Variants in SUGCT observed in about 807,000 individuals in gnomAD.
SUGCT encodes the protein succinyl-CoA:glutarate CoA-transferase.
Under a neutral mutation model 55.0 loss-of-function variants are expected in SUGCT, and 41 were observed. The ratio of observed to expected loss-of-function variants is 0.74; its 90% CI spans 0.58 to 0.97. The LOEUF is 0.97. SUGCT is among the 50% of genes least tolerant of loss of function. SUGCT has a pLI of 0.00. For synonymous variants in SUGCT, 187 were observed against 200.4 expected (o/e 0.93, Z 0.56); for missense variants, 568 against 547.8 (o/e 1.04, Z -0.37).
At chr7:40,324,782 G>A (rs1216042591) in intron 9 of SUGCT, among the ~76,000 whole-genome samples, 1 of 152,122 alleles carries the variant, frequency 6.6e-6, no homozygotes, top group Non-Finnish European at 1.5e-5. Context: ...AATAGCTAGG[G>A]GTAGTTGACT....
At chr7:40,699,331 G>T (rs988961621) in intron 12 of SUGCT, among the ~76,000 whole-genome samples, 27 of 152,256 alleles carry the variant, frequency 1.8e-4, no homozygotes, top group African/African-American at 6.5e-4. Context: ...GCACAGAGGT[G>T]GAGAGCGAGT....
At chr7:40,537,441 A>G (rs1157535027) in intron 12 of SUGCT, among the ~76,000 whole-genome samples, 3 of 152,180 alleles carry the variant, frequency 2.0e-5, no homozygotes, top group Non-Finnish European at 4.4e-5. Context: ...AATAGCCACT[A>G]ATTACTTGAA....
At chr7:40,317,566 A>G (rs1022186504) in intron 9 of SUGCT, among the ~76,000 whole-genome samples, 2 of 152,160 alleles carry the variant, frequency 1.3e-5, no homozygotes, top group African/African-American at 2.4e-5. Context: ...TCATCATTGT[A>G]TATCTTCTCA....
At chr7:40,619,419 G>A (rs1314663802) in intron 12 of SUGCT, among the ~76,000 whole-genome samples, 1 of 152,044 alleles carries the variant, frequency 6.6e-6, no homozygotes, top group Non-Finnish European at 1.5e-5. Flanking sequence ...TTGCCAAATG[G>A]CATACATCTA....
chr7:40,249,335 A>ATATATC (rs1790177414), intron 7 of SUGCT, among the ~76,000 whole-genome samples: 1 of 124,110 alleles, frequency 8.1e-6, no homozygotes, highest in Non-Finnish European at 1.7e-5. Flanking sequence ...ATATATATAT[A>ATATATC]TATATATATA....
chr7:40,935,658 G>A, the SUGCT span, among the ~76,000 whole-genome samples: 2 of 152,248 alleles, frequency 1.3e-5, no homozygotes, highest in South Asian at 4.1e-4. Context: ...GACAAAAAAT[G>A]TTGTTGGTCC....
chr7:40,420,947 C>T (rs995695498), intron 9 of SUGCT, among the ~76,000 whole-genome samples: 5 of 152,144 alleles, frequency 3.3e-5, no homozygotes, highest in Non-Finnish European at 2.9e-5. Context: ...CTTTCTTTAT[C>T]ATGGAAGCTA....
chr7:41,027,525 T>C, the SUGCT span, among the ~76,000 whole-genome samples: 1 of 152,194 alleles, frequency 6.6e-6, no homozygotes, highest in African/African-American at 2.4e-5. Flanking sequence ...CATAATGTTC[T>C]GCGGTGTAAG....
rs557488812 is a variant in SUGCT, at chr7:40,775,475, A to T, written c.1153+25978A>T. The T allele has an allele frequency of 2.2e-3, 331 of 152,372 alleles. 1 individual carries two copies. Among genetic ancestry groups the T allele is most frequent in the African/African-American group, 7.6e-3 (316 of 41,602 alleles). 9.4% of individuals were successfully genotyped at this position (152,372 alleles called of 1,614,324 possible). A position where few individuals can be genotyped will look rare whatever the true frequency, so the allele number is the denominator to read the frequency against. On this transcript the variant is annotated intron_variant, in intron 13 of 13. Transcript: ENST00000335693. Reference sequence around the variant, plus strand: ...TAATAATTAATATGCATTGAGTGCTAACTCTGTCAGATAAGATGCCTAACA... The same window carrying T: ...TAATAATTAATATGCATTGAGTGCTTACTCTGTCAGATAAGATGCCTAACA...
chr7:40,525,417 G>A (rs1793745771), intron 12 of SUGCT, among the ~76,000 whole-genome samples: 1 of 152,102 alleles, frequency 6.6e-6, no homozygotes, highest in African/African-American at 2.4e-5. Flanking sequence ...ATGAAGTATT[G>A]ATGGGTTTTG....
At chr7:41,011,489 G>A in the SUGCT span, among the ~76,000 whole-genome samples, 1 of 152,114 alleles carries the variant, frequency 6.6e-6, no homozygotes, top group African/African-American at 2.4e-5. Flanking sequence ...CCCCAACTGG[G>A]GTATCCCCCA....
the SUGCT span, among the ~76,000 whole-genome samples, chr7:40,938,751 C>T: frequency 2.6e-5 from 4 of 152,106 alleles, no homozygotes; most frequent in African/African-American, 7.2e-5. Flanking sequence ...TCCACTATAC[C>T]ACTCTGAATG....
At chr7:41,020,357 G>A in the SUGCT span, among the ~76,000 whole-genome samples, 1 of 152,230 alleles carries the variant, frequency 6.6e-6, no homozygotes, top group African/African-American at 2.4e-5. Context: ...TAGCTAAAGT[G>A]AGGGATCATA....
At chr7:40,771,106 C>G (rs1483212118) in intron 13 of SUGCT, among the ~76,000 whole-genome samples, 1 of 151,980 alleles carries the variant, frequency 6.6e-6, no homozygotes, top group Non-Finnish European at 1.5e-5. Context: ...TAGAAATTCC[C>G]AGGAAGTTAA....
the SUGCT span, among the ~76,000 whole-genome samples, chr7:41,026,490 A>T: frequency 5.9e-5 from 9 of 152,210 alleles, no homozygotes; most frequent in African/African-American, 2.2e-4. Context: ...GGCTGCATTC[A>T]TCTTGACACT....
chr7:40,880,072 T>G, the SUGCT span, among the ~76,000 whole-genome samples: 1 of 152,326 alleles, frequency 6.6e-6, no homozygotes, highest in East Asian at 1.9e-4. Context: ...AGTGAATAAT[T>G]GGCCAGTAAT....
intron 9 of SUGCT, among the ~76,000 whole-genome samples, chr7:40,325,599 G>C (rs1795985940): frequency 6.6e-6 from 1 of 152,156 alleles, no homozygotes; most frequent in Admixed American, 6.5e-5. Flanking sequence ...ACTTGTTTCT[G>C]TTTGTGACCA....
chr7:40,176,648 T>C (rs1364245428), intron 1 of SUGCT, among the ~76,000 whole-genome samples: 1 of 152,014 alleles, frequency 6.6e-6, no homozygotes, highest in Non-Finnish European at 1.5e-5. Context: ...TTATTTTGTT[T>C]TTTTTTTAAG....
intron 8 of SUGCT, among the ~76,000 whole-genome samples, chr7:40,293,972 G>T (rs1301502864): frequency 6.6e-6 from 1 of 151,868 alleles, no homozygotes; most frequent in Non-Finnish European, 1.5e-5. Flanking sequence ...TTTTGAGTTG[G>T]AGTCTCGCTC....
Sources: gnomAD v4.1 joint callset for allele counts (sites outside exome capture counted in the v4.1 genomes callset) on GRCh38, gnomAD v4.1.1 for gene constraint, MANE v1.5 for transcripts, NCBI Gene and HGNC (gene_info 2026-07-23, HGNC 2026-07-21) for gene names.